The following CDH13 variants were observed in gnomAD, a reference collection of about 807,000 sequenced individuals.
CDH13 encodes cadherin 13.
CDH13 carries 24 observed loss-of-function variants against 63.8 expected under a neutral mutation model. The ratio of observed to expected loss-of-function variants is 0.38; its 90% CI spans 0.27 to 0.53. The LOEUF is 0.53. Ranked by LOEUF, CDH13 falls within the 20% of genes least tolerant of loss-of-function variation. CDH13 has a pLI of 0.85. For synonymous variants in CDH13, 503 were observed against 355.3 expected (o/e 1.42, Z -4.67); for missense variants, 1,049 against 903.1 (o/e 1.16, Z -2.07).
At chr16:83,621,836 T>C (rs1909848086) in intron 8 of CDH13, among the ~76,000 whole-genome samples, 1 of 152,054 alleles carries the variant, frequency 6.6e-6, no homozygotes, top group South Asian at 2.1e-4. Flanking sequence ...GTGCAAGGCC[T>C]GGATATAACT....
intron 11 of CDH13, among the ~76,000 whole-genome samples, chr16:83,777,306 C>G (rs1915189265): frequency 6.6e-6 from 1 of 152,218 alleles, no homozygotes; most frequent in African/African-American, 2.4e-5. Flanking sequence ...CAAGGCCCTC[C>G]AGGAGCCCAT....
chr16:82,814,730 T>C (rs1041688250), intron 1 of CDH13, among the ~76,000 whole-genome samples: 41 of 152,068 alleles, frequency 2.7e-4, no homozygotes, highest in Admixed American at 2.6e-3. Context: ...AGCAAATTAA[T>C]AGAAGTCAAA....
At chr16:82,879,595 T>C (rs2040623498) in intron 2 of CDH13, among the ~76,000 whole-genome samples, 1 of 141,894 alleles carries the variant, frequency 7.0e-6, no homozygotes, top group South Asian at 2.1e-4. Flanking sequence ...ATATTATATT[T>C]ATATGTAATT....
chr16:83,370,167 C>T (rs949935438), intron 6 of CDH13, among the ~76,000 whole-genome samples: 1 of 152,130 alleles, frequency 6.6e-6, no homozygotes, highest in East Asian at 1.9e-4. Flanking sequence ...GCGGACGGAT[C>T]GTGAAGTCAG....
intron 6 of CDH13, among the ~76,000 whole-genome samples, chr16:83,484,834 G>A (rs1296769391): frequency 6.6e-6 from 1 of 152,174 alleles, no homozygotes. Context: ...GGTAAGGAAA[G>A]TTAAAACGTG....
At chr16:83,745,613 GC>G (rs1912504967) in intron 10 of CDH13, among the ~76,000 whole-genome samples, 1 of 152,124 alleles carries the variant, frequency 6.6e-6, no homozygotes, top group South Asian at 2.1e-4. Flanking sequence ...TTGTCAGCCA[GC>G]AATTTCTTAT....
intron 1 of CDH13, among the ~76,000 whole-genome samples, chr16:82,730,413 A>G (rs907768809): frequency 5.3e-5 from 8 of 152,126 alleles, no homozygotes; most frequent in African/African-American, 1.9e-4. Context: ...GAGGAAAGGG[A>G]GAGAGAGGGA....
In CDH13 at chr16:83,485,458, G is replaced by A. The variant is rs190618185; in HGVS notation, c.782-1019G>A. Among the ~76,000 whole-genome samples, 436 of 152,282 alleles carry A rather than the reference G, an allele frequency of 2.9e-3. 3 individuals are homozygous for A. Among genetic ancestry groups the A allele is most frequent in the Middle Eastern group, 0.014 (4 of 294 alleles). ...GGTCCTATTTGTATGACTCTTGCTT[G>A]TTTGTGAGTGAACCCAACCATGTTA... On this transcript the variant is annotated intron_variant, in intron 6 of 13. Transcript: ENST00000567109.
chr16:83,452,806 T>A (rs1031029847), intron 6 of CDH13, among the ~76,000 whole-genome samples: 35 of 152,220 alleles, frequency 2.3e-4, no homozygotes, highest in Admixed American at 1.3e-4. Flanking sequence ...GTGGATGAAG[T>A]GATACTGGAG....
intron 6 of CDH13, among the ~76,000 whole-genome samples, chr16:83,462,031 C>A (rs562336700): frequency 9.2e-5 from 14 of 152,342 alleles, no homozygotes; most frequent in Non-Finnish European, 4.4e-5. Flanking sequence ...TCGTGGCTCT[C>A]ATGAGTCTAT....
intron 2 of CDH13, among the ~76,000 whole-genome samples, chr16:82,897,219 C>T (rs1369469640): frequency 6.6e-6 from 1 of 152,136 alleles, no homozygotes; most frequent in Non-Finnish European, 1.5e-5. Context: ...TGGCCAGCAG[C>T]AGCATGTGGA....
intron 10 of CDH13, among the ~76,000 whole-genome samples, chr16:83,711,616 A>G (rs1908066960): frequency 6.6e-6 from 1 of 152,206 alleles, no homozygotes; most frequent in Admixed American, 6.5e-5. Context: ...TCCAGGCTCA[A>G]GCGATTCTCG....
At chr16:82,979,152 A>T (rs1281687276) in intron 2 of CDH13, among the ~76,000 whole-genome samples, 1 of 152,232 alleles carries the variant, frequency 6.6e-6, no homozygotes, top group African/African-American at 2.4e-5. Context: ...CCCATTTGGA[A>T]CAGATGTATT....
intron 6 of CDH13, among the ~76,000 whole-genome samples, chr16:83,370,602 G>C (rs894106778): frequency 6.6e-6 from 1 of 151,866 alleles, no homozygotes; most frequent in Admixed American, 6.5e-5. Flanking sequence ...TAGTTTTTTT[G>C]TTCTCACCCT....
At chr16:82,817,257 A>T (rs184060275) in intron 1 of CDH13, among the ~76,000 whole-genome samples, 10 of 152,164 alleles carry the variant, frequency 6.6e-5, no homozygotes, top group African/African-American at 2.2e-4. Context: ...ATCCAGCCCT[A>T]CACCCAGTGG....
intron 4 of CDH13, among the ~76,000 whole-genome samples, chr16:83,142,857 C>A (rs949070458): frequency 1.3e-5 from 2 of 152,142 alleles, no homozygotes; most frequent in African/African-American, 4.8e-5. Flanking sequence ...AATCCCAGCC[C>A]TTTGGGAGGC....
chr16:83,643,444 T>C (rs1056072328), intron 8 of CDH13, among the ~76,000 whole-genome samples: 1 of 152,256 alleles, frequency 6.6e-6, no homozygotes, highest in Non-Finnish European at 1.5e-5. Context: ...TCACGATTTG[T>C]ATCTTTTTCC....
intron 6 of CDH13, among the ~76,000 whole-genome samples, chr16:83,443,976 A>G (rs1167100130): frequency 1.3e-5 from 2 of 149,450 alleles, no homozygotes; most frequent in East Asian, 3.9e-4. Flanking sequence ...GAGTCAGGTG[A>G]TGGTGTTGAT....
rs201031660 is a variant in CDH13 at position 83,228,629 on chromosome 16, AG to A, written c.636+11135del. Among the ~76,000 whole-genome samples, 884 of 152,324 alleles carry A rather than the reference AG, an allele frequency of 5.8e-3. 9 individuals carry two copies. Among genetic ancestry groups the A allele is most frequent in the African/African-American group, 0.018 (732 of 41,586 alleles). ...AGACAGAGACGCGGACGGGGCAGGA[AG>A]GGTTTTGTGAGAACAGCTGATGGAA... On this transcript the variant is annotated intron_variant, in intron 5 of 13. Coordinates refer to ENST00000567109, the MANE Select transcript of CDH13 (RefSeq NM_001257.5).
Sources: gnomAD v4.1 joint callset for allele counts (sites outside exome capture counted in the v4.1 genomes callset) on GRCh38, gnomAD v4.1.1 for gene constraint, MANE v1.5 for transcripts, NCBI Gene and HGNC (gene_info 2026-07-23, HGNC 2026-07-21) for gene names.